Variants in DHRSX observed in about 807,000 individuals in gnomAD.
DHRSX encodes dehydrogenase/reductase X-linked.
A neutral mutation model predicts 34.0 loss-of-function variants in DHRSX; 31 were observed. The observed-to-expected ratio is 0.91, with a 90% confidence interval of 0.69 to 1.23. The LOEUF (loss-of-function observed/expected upper bound fraction) is 1.23. Among genes scored for constraint, DHRSX ranks in the 50% most tolerant of loss-of-function variants. The pLI, the probability that DHRSX is intolerant of heterozygous loss-of-function variation, is 0.00. For synonymous variants in DHRSX, 201 were observed against 183.8 expected (o/e 1.09, Z -0.76); for missense variants, 414 against 428.1 (o/e 0.97, Z 0.29).
chrX:2,298,630 A>ACGCACACACACACACGTACACACGCG (rs2041972107), intron 3 of DHRSX, among the ~76,000 whole-genome samples: 5 of 127,564 alleles, frequency 3.9e-5, no homozygotes, highest in African/African-American at 1.6e-4. Flanking sequence ...ACACACACAC[A>ACGCACACACACACACGTACACACGCG]CACACACGAG....
At chrX:2,267,241 G>A (rs1423214763) in intron 4 of DHRSX, among the ~76,000 whole-genome samples, 5 of 152,156 alleles carry the variant, frequency 3.3e-5, no homozygotes, top group African/African-American at 1.2e-4. Context: ...CAGCACTTTG[G>A]GAGGCTGAGG....
chrX:2,275,474 C>T (rs780060419), intron 4 of DHRSX, among the ~76,000 whole-genome samples: 1 of 150,798 alleles, frequency 6.6e-6, no homozygotes, highest in African/African-American at 2.4e-5. Context: ...GTGCACTGCA[C>T]TCCAGCCCCG....
intron 3 of DHRSX, among the ~76,000 whole-genome samples, chrX:2,352,803 G>T (rs948875877): frequency 6.6e-6 from 1 of 152,156 alleles, no homozygotes; most frequent in Admixed American, 6.6e-5. Context: ...AGTAGATGAA[G>T]GGCTATAGGG....
rs139928848 is a variant in DHRSX, at chrX:2,459,347, G to C, written c.110-34043C>G. Among the ~76,000 whole-genome samples the C allele has an allele frequency of 6.1e-3, 926 of 151,870 alleles. 6 individuals are homozygous for C. Among genetic ancestry groups the C allele is most frequent in the African/African-American group, 0.02 (846 of 41,460 alleles). ...TAGGGTTATCTGAATATGTAAATTA[G>C]CTTGTTAATATGTTAATTAGCTTGA... On this transcript the variant is annotated intron_variant, in intron 1 of 6. Transcript: ENST00000334651.
intron 1 of DHRSX, among the ~76,000 whole-genome samples, chrX:2,476,120 G>T (rs2044674458): frequency 6.6e-6 from 1 of 152,184 alleles, no homozygotes; most frequent in Non-Finnish European, 1.5e-5. Flanking sequence ...GGCCGCCATG[G>T]CTCAGGCCTG....
chrX:2,381,797 C>CAAAAAAA (rs767319246), intron 3 of DHRSX, among the ~76,000 whole-genome samples: 43 of 81,500 alleles, frequency 5.3e-4, no homozygotes, highest in East Asian at 1.4e-3. Context: ...AAGCCACAAC[C>CAAAAAAA]AAAAAAAAAA....
chrX:2,386,240 G>C (rs1298300814), intron 3 of DHRSX, among the ~76,000 whole-genome samples: 1 of 151,856 alleles, frequency 6.6e-6, no homozygotes, highest in Non-Finnish European at 1.5e-5. Flanking sequence ...GAGACAGAGA[G>C]ACGGAGTCTT....
intron 1 of DHRSX, among the ~76,000 whole-genome samples, chrX:2,441,622 C>A (rs1317879306): frequency 6.6e-6 from 1 of 152,122 alleles, no homozygotes; most frequent in African/African-American, 2.4e-5. Context: ...GATAGAATTC[C>A]CTCTTCCTTG....
intron 3 of DHRSX, among the ~76,000 whole-genome samples, chrX:2,388,977 C>G (rs1335811568): frequency 6.6e-6 from 1 of 152,202 alleles, no homozygotes; most frequent in Non-Finnish European, 1.5e-5. Flanking sequence ...AGAGAGAAAG[C>G]AAGCCTACCG....
intron 3 of DHRSX, among the ~76,000 whole-genome samples, chrX:2,370,515 C>T (rs2043044722): frequency 6.7e-6 from 1 of 150,214 alleles, no homozygotes; most frequent in Non-Finnish European, 1.5e-5. Flanking sequence ...CATCATTCCA[C>T]ACAACTGTGC....
At chrX:2,477,793 C>T (rs1387923952) in intron 1 of DHRSX, among the ~76,000 whole-genome samples, 6 of 151,660 alleles carry the variant, frequency 4.0e-5, no homozygotes, top group Admixed American at 4.0e-4. Flanking sequence ...TACAGTGAGC[C>T]GAGATCCCTC....
chrX:2,416,288 T>C (rs1376907873), intron 2 of DHRSX, among the ~76,000 whole-genome samples: 1 of 152,126 alleles, frequency 6.6e-6, no homozygotes, highest in Non-Finnish European at 1.5e-5. Context: ...GATCTCATCA[T>C]GACCAACCCA....
At chrX:2,400,911 A>G (rs758491503) in intron 3 of DHRSX, among the ~76,000 whole-genome samples, 1 of 152,268 alleles carries the variant, frequency 6.6e-6, no homozygotes, top group African/African-American at 2.4e-5. Flanking sequence ...ATCTATTTTC[A>G]AAGTAGAAGT....
At chrX:2,396,097 G>A (rs1404541255) in intron 3 of DHRSX, among the ~76,000 whole-genome samples, 6 of 152,012 alleles carry the variant, frequency 3.9e-5, no homozygotes, top group Non-Finnish European at 1.5e-5. Context: ...CTGGGTTTGT[G>A]GCCGCATCGC....
chrX:2,260,619 C>T (rs927039441), intron 5 of DHRSX, among the ~76,000 whole-genome samples: 3 of 152,042 alleles, frequency 2.0e-5, no homozygotes, highest in Admixed American at 1.3e-4. Context: ...AGCACCACGC[C>T]CGGCTAATTT....
intron 5 of DHRSX, among the ~76,000 whole-genome samples, chrX:2,247,131 T>C (rs1226007540): frequency 1.3e-5 from 2 of 152,018 alleles, no homozygotes; most frequent in African/African-American, 2.4e-5. Context: ...GCATTTTTAG[T>C]AGAGACGGGG....
At chrX:2,306,838 A>G (rs1301028192) in intron 3 of DHRSX, among the ~76,000 whole-genome samples, 1 of 151,556 alleles carries the variant, frequency 6.6e-6, no homozygotes, top group Non-Finnish European at 1.5e-5. Context: ...CTCCGCCTCA[A>G]TTTTTTAGAA....
intron 3 of DHRSX, among the ~76,000 whole-genome samples, chrX:2,370,896 A>C (rs2043050613): frequency 6.6e-6 from 1 of 152,148 alleles, no homozygotes; most frequent in Non-Finnish European, 1.5e-5. Context: ...AGGGTTTGGC[A>C]GCTTTTATCC....
chrX:2,431,070 A>C (rs757701425), intron 1 of DHRSX, among the ~76,000 whole-genome samples: 2 of 151,860 alleles, frequency 1.3e-5, no homozygotes, highest in South Asian at 2.1e-4. Context: ...TCATGCCTGT[A>C]ATCCCAGCAC....
Sources: gnomAD v4.1 joint callset for allele counts (sites outside exome capture counted in the v4.1 genomes callset) on GRCh38, gnomAD v4.1.1 for gene constraint, MANE v1.5 for transcripts, NCBI Gene and HGNC (gene_info 2026-07-23, HGNC 2026-07-21) for gene names.